Variants in BICD1 observed in about 807,000 individuals in gnomAD.
BICD1 encodes the protein BICD cargo adaptor 1, also known as protein bicaudal D homolog 1.
In BICD1, 35 loss-of-function variants were observed where a neutral mutation model predicts 92.5. The ratio of observed to expected loss-of-function variants is 0.38; its 90% CI spans 0.29 to 0.50. The LOEUF (loss-of-function observed/expected upper bound fraction) is 0.50, where lower values mean the gene tolerates loss of function less well. Ranked by LOEUF, BICD1 falls within the 20% of genes least tolerant of loss-of-function variation. The pLI is 0.93. For synonymous variants in BICD1, 429 were observed against 465.1 expected, an observed-to-expected ratio of 0.92 and a Z score of 1.00; for missense variants, 950 against 1,189.8, an observed-to-expected ratio of 0.80 and a Z score of 2.97.
intron 5 of BICD1, chr12:32,332,705 A>G: frequency 2.6e-6 from 1 of 378,846 alleles, no homozygotes; most frequent in Non-Finnish European, 3.6e-6. Context: ...CACAGAAGCA[A>G]TTATACCTTA....
rs887187221 is a variant in BICD1, at chr12:32,328,938, C to T, written c.2100+383C>T. ...GCAGGTTACACCAACCAGGGCGATA[C>T]AGCAAGAAAGACAAACACCCAGCAG... On this transcript the variant is annotated intron_variant, in intron 5 of 9. Coordinates refer to ENST00000652176, the MANE Select transcript of BICD1 (RefSeq NM_001714.4). This position sits in a 1 kb window ranked among gnomAD's most constrained non-coding sequence, Gnocchi z 4.4. Among the ~76,000 whole-genome samples, 5 of 151,986 alleles carry T rather than the reference C, an allele frequency of 3.3e-5. No homozygotes were observed. Among genetic ancestry groups the T allele is most frequent in the African/African-American group, 1.2e-4 (5 of 41,372 alleles).
chr12:32,235,293 G>C (rs1276336248), intron 2 of BICD1, among the ~76,000 whole-genome samples: 2 of 152,286 alleles, frequency 1.3e-5, no homozygotes, highest in Admixed American at 1.3e-4. Flanking sequence ...AAAATAACCT[G>C]TCAGGATAAC....
Position 32,269,437 on chromosome 12 carries a change from A to G in BICD1, c.427-24557A>G, listed in dbSNP as rs1385860835. The stretch of plus-strand genomic sequence containing the variant: ...CAGGCCTAAGTACTGTATAGGAACT[A>G]TTAAGTGAGAACTTTAACAGTAATT... On this transcript the variant is annotated intron_variant, in intron 2 of 9. Coordinates refer to ENST00000652176, the MANE Select transcript of BICD1 (RefSeq NM_001714.4). 3.3e-5 allele frequency among the ~76,000 whole-genome samples: 5 copies of G among 152,350 alleles called. No homozygotes were observed. The East Asian group carries it at 9.6e-4, about 29-fold the overall frequency.
intron 1 of BICD1, among the ~76,000 whole-genome samples, chr12:32,132,111 G>T (rs1359912455): frequency 1.3e-5 from 2 of 152,070 alleles, no homozygotes; most frequent in African/African-American, 4.8e-5. Flanking sequence ...AAAAGTAACA[G>T]TAAGTGTAAA....
intron 1 of BICD1, among the ~76,000 whole-genome samples, chr12:32,132,910 G>A (rs532774124): frequency 6.6e-6 from 1 of 152,286 alleles, no homozygotes; most frequent in South Asian, 2.1e-4. Context: ...TAGACTGAGA[G>A]AGAATCTACT....
At chr12:32,197,023 CT>C (rs1277860754) in intron 1 of BICD1, among the ~76,000 whole-genome samples, 286 of 143,838 alleles carry the variant, frequency 2.0e-3, no homozygotes, top group Middle Eastern at 7.1e-3. Flanking sequence ...CAAGATTTTA[CT>C]TTTTTTTTTT....
chr12:32,170,784 A>T (rs1425424734), intron 1 of BICD1, among the ~76,000 whole-genome samples: 1 of 152,128 alleles, frequency 6.6e-6, no homozygotes, highest in Non-Finnish European at 1.5e-5. Context: ...ATTTCCGGAG[A>T]TATTTTTGGT....
At chr12:32,373,620 C>T (rs1349070522) in intron 9 of BICD1, among the ~76,000 whole-genome samples, 1 of 152,102 alleles carries the variant, frequency 6.6e-6, no homozygotes, top group African/African-American at 2.4e-5. Flanking sequence ...CGCCTGTAAT[C>T]CCAACACTTT....
At chr12:32,314,181 G>A in intron 4 of BICD1, among the ~76,000 whole-genome samples, 1 of 152,260 alleles carries the variant, frequency 6.6e-6, no homozygotes, top group East Asian at 1.9e-4. Flanking sequence ...TCAGTTGATG[G>A]ACACTTTAGT....
At chr12:32,116,134 A>G (rs1170270730) in intron 1 of BICD1, among the ~76,000 whole-genome samples, 1 of 150,888 alleles carries the variant, frequency 6.6e-6, no homozygotes, top group African/African-American at 2.4e-5. Context: ...TTAAGTCTAT[A>G]AAATTAAGGT....
chr12:32,239,559 G>A (rs988973024), intron 2 of BICD1, among the ~76,000 whole-genome samples: 7 of 149,708 alleles, frequency 4.7e-5, no homozygotes, highest in Non-Finnish European at 7.4e-5. Flanking sequence ...GCAGTGGTGC[G>A]ATCTCGGCTC....
intron 2 of BICD1, among the ~76,000 whole-genome samples, chr12:32,239,616 T>C (rs1464845352): frequency 6.6e-6 from 1 of 151,526 alleles, no homozygotes; most frequent in African/African-American, 2.4e-5. Flanking sequence ...GGTTTTGTTT[T>C]TTGAGTTGGA....
At chr12:32,209,223 C>T (rs1945145743) in intron 1 of BICD1, among the ~76,000 whole-genome samples, 1 of 152,132 alleles carries the variant, frequency 6.6e-6, no homozygotes, top group South Asian at 2.1e-4. Context: ...TTTATTAATA[C>T]TTCATTTAAA....
chr12:32,276,025 G>A (rs1178708616), intron 2 of BICD1, among the ~76,000 whole-genome samples: 1 of 152,028 alleles, frequency 6.6e-6, no homozygotes, highest in East Asian at 1.9e-4. Flanking sequence ...ACCATTTTGG[G>A]AGCTCTGTGA....
intron 1 of BICD1, among the ~76,000 whole-genome samples, chr12:32,116,446 G>C (rs61926879): frequency 8.3e-6 from 1 of 120,682 alleles, no homozygotes; most frequent in Non-Finnish European, 1.7e-5. Context: ...GTCTCTGTCT[G>C]TCTGTCTGTC....
At chr12:32,343,558 C>T (rs1252792260) in intron 8 of BICD1, among the ~76,000 whole-genome samples, 1 of 152,160 alleles carries the variant, frequency 6.6e-6, no homozygotes, top group Non-Finnish European at 1.5e-5. Context: ...AAGTAATAGC[C>T]TAAGCAGCTT....
chr12:32,283,133 T>G (rs1947465149), intron 2 of BICD1, among the ~76,000 whole-genome samples: 1 of 106,428 alleles, frequency 9.4e-6, no homozygotes, highest in Non-Finnish European at 2.1e-5. Flanking sequence ...GGAGGGAAGA[T>G]GGACTGACTG....
chr12:32,158,096 T>G (rs1182436081), intron 1 of BICD1, among the ~76,000 whole-genome samples: 2 of 112,238 alleles, frequency 1.8e-5, no homozygotes, highest in Non-Finnish European at 1.8e-5. Flanking sequence ...AGCCTAGGGG[T>G]TTTTTTTTTC....
At chr12:32,150,584 C>T (rs760750122) in intron 1 of BICD1, among the ~76,000 whole-genome samples, 26 of 152,160 alleles carry the variant, frequency 1.7e-4, no homozygotes, top group Non-Finnish European at 3.7e-4. Context: ...AAATGCACTG[C>T]TTGTTAACAT....
Sources: allele counts gnomAD v4.1 joint callset (sites outside exome capture counted in the v4.1 genomes callset), GRCh38; gene constraint gnomAD v4.1.1; non-coding constraint Gnocchi (gnomAD v3.1); transcripts MANE v1.5; gene names NCBI Gene and HGNC (gene_info 2026-07-23, HGNC 2026-07-21).